The following DEPTOR variants were observed in gnomAD, a reference collection of about 807,000 sequenced individuals.
DEPTOR encodes DEP domain containing MTOR interacting protein, also known as DEP domain-containing mTOR-interacting protein.
A neutral mutation model predicts 41.6 loss-of-function variants in DEPTOR; 41 were observed. That is an observed-to-expected ratio of 0.98 (90% CI 0.77 to 1.28). The LOEUF is 1.28. DEPTOR is among the 50% of genes most tolerant of loss of function. The pLI is 0.00. For missense variants in DEPTOR, 514 were observed against 527.9 expected (o/e 0.97, Z 0.26); for synonymous variants, 195 against 192.3 (o/e 1.01, Z -0.12).
At chr8:120,037,492 C>T (rs1273438709) in intron 8 of DEPTOR, among the ~76,000 whole-genome samples, 1 of 152,168 alleles carries the variant, frequency 6.6e-6, no homozygotes, top group African/African-American at 2.4e-5. Context: ...TGCCATCAGT[C>T]ACTGTGACAA....
intron 8 of DEPTOR, among the ~76,000 whole-genome samples, chr8:120,016,502 T>G (rs1320972064): frequency 6.6e-6 from 1 of 152,100 alleles, no homozygotes; most frequent in East Asian, 1.9e-4. Flanking sequence ...GGTTTCACCA[T>G]GTTGGTCAGG....
intron 4 of DEPTOR, among the ~76,000 whole-genome samples, chr8:119,972,622 C>CAAAAAAA (rs59750717): frequency 1.4e-5 from 2 of 138,398 alleles, no homozygotes. Context: ...GACTCTGTCT[C>CAAAAAAA]AAAAAAAAAA....
intron 8 of DEPTOR, among the ~76,000 whole-genome samples, chr8:120,011,038 A>G (rs2130109489): frequency 6.6e-6 from 1 of 152,334 alleles, no homozygotes; most frequent in South Asian, 2.1e-4. Flanking sequence ...TTTATTCAAT[A>G]CTTTCATCCT....
At chr8:119,932,204 C>A (rs1413217733) in intron 3 of DEPTOR, among the ~76,000 whole-genome samples, 1 of 151,826 alleles carries the variant, frequency 6.6e-6, no homozygotes, top group Non-Finnish European at 1.5e-5. Flanking sequence ...AGGCTGATAT[C>A]AAACTCTGGT....
chr8:119,898,021 A>G (rs1203183193), intron 1 of DEPTOR, among the ~76,000 whole-genome samples: 1 of 152,216 alleles, frequency 6.6e-6, no homozygotes, highest in Non-Finnish European at 1.5e-5. Context: ...AAATGTAGAG[A>G]TGTTTAAATT....
At chr8:120,030,478 G>A (rs1812869249) in intron 8 of DEPTOR, among the ~76,000 whole-genome samples, 1 of 102,426 alleles carries the variant, frequency 9.8e-6, no homozygotes, top group Non-Finnish European at 1.9e-5. Context: ...TGATAATGAT[G>A]TATTGTGTAG....
At chr8:119,874,111 C>A in intron 1 of DEPTOR, 143 bp downstream of exon 1, 8 of 1,361,424 alleles carry the variant, frequency 5.9e-6, no homozygotes, top group East Asian at 2.6e-5. Flanking sequence ...GGATGGTCCT[C>A]GGTGCGCCCG....
chr8:119,966,307 A>G (rs1202903938), intron 4 of DEPTOR, among the ~76,000 whole-genome samples: 1 of 152,138 alleles, frequency 6.6e-6, no homozygotes, highest in Admixed American at 6.6e-5. Context: ...TCTACTAAAA[A>G]ATACAAAAAT....
At chr8:120,047,702 C>T in intron 8 of DEPTOR, among the ~76,000 whole-genome samples, 1 of 131,964 alleles carries the variant, frequency 7.6e-6, no homozygotes, top group South Asian at 2.3e-4. Context: ...AAATGCTGGT[C>T]AATTAAAACA....
intron 1 of DEPTOR, among the ~76,000 whole-genome samples, chr8:119,925,377 G>C (rs1390849603): frequency 1.3e-5 from 2 of 151,944 alleles, no homozygotes; most frequent in Admixed American, 1.3e-4. Context: ...GCAACAGAGT[G>C]AGACTCTGCC....
intron 1 of DEPTOR, among the ~76,000 whole-genome samples, chr8:119,887,919 C>T (rs1353814809): frequency 1.5e-5 from 2 of 137,104 alleles, no homozygotes; most frequent in African/African-American, 5.0e-5. Context: ...CCTACCCGCT[C>T]AAGTGAGCCC....
At chr8:119,948,231 T>C (rs967028386) in intron 3 of DEPTOR, among the ~76,000 whole-genome samples, 5 of 152,152 alleles carry the variant, frequency 3.3e-5, no homozygotes, top group Non-Finnish European at 1.5e-5. Context: ...ATGCATATCC[T>C]GGGAGACAGA....
chr8:119,930,184 G>A (rs1490533281), intron 3 of DEPTOR, among the ~76,000 whole-genome samples: 1 of 152,116 alleles, frequency 6.6e-6, no homozygotes, highest in Non-Finnish European at 1.5e-5. Flanking sequence ...ATTCTACAAA[G>A]CTCCAGAATT....
chr8:120,017,445 C>T (rs1240995613), intron 8 of DEPTOR, among the ~76,000 whole-genome samples: 1 of 152,170 alleles, frequency 6.6e-6, no homozygotes, highest in African/African-American at 2.4e-5. Context: ...TTCTATTAAA[C>T]CCTGAAATCC....
chr8:119,899,714 G>A (rs1426540268), intron 1 of DEPTOR, among the ~76,000 whole-genome samples: 4 of 152,132 alleles, frequency 2.6e-5, no homozygotes, highest in East Asian at 1.9e-4. Flanking sequence ...TTTCAAGATC[G>A]TGCAGTCTTC....
intron 8 of DEPTOR, among the ~76,000 whole-genome samples, chr8:120,029,639 A>G (rs753597458): frequency 6.6e-5 from 10 of 152,024 alleles, no homozygotes; most frequent in Non-Finnish European, 1.3e-4. Flanking sequence ...CAGGTGATCC[A>G]CCCACCTCGG....
At chr8:119,988,258 A>G (rs1213885159) in intron 4 of DEPTOR, among the ~76,000 whole-genome samples, 1 of 152,158 alleles carries the variant, frequency 6.6e-6, no homozygotes, top group Non-Finnish European at 1.5e-5. Context: ...CCGTTGGCTA[A>G]GGAAGGGAGT....
In DEPTOR at chr8:120,049,746, G is replaced by A. The variant is rs543528408; in HGVS notation, c.*42G>A. 6.2e-7 allele frequency: 1 copy of A among 1,609,742 alleles called. No homozygotes were observed. Among genetic ancestry groups the A allele is most frequent in the Admixed American group, 1.7e-5 (1 of 59,660 alleles). On this transcript the variant is annotated 3_prime_UTR_variant, in exon 9 of 9. Coordinates refer to ENST00000286234, the MANE Select transcript of DEPTOR (RefSeq NM_022783.4). Reference sequence around the variant, plus strand: ...GCCCTCCAGTGGCCTGTGGGTGAGGGAAGCCAGAATGACACAAAGCAATGC... The same window carrying A: ...GCCCTCCAGTGGCCTGTGGGTGAGGAAAGCCAGAATGACACAAAGCAATGC...
At chr8:119,912,796 C>T (rs1465388683) in intron 1 of DEPTOR, among the ~76,000 whole-genome samples, 1 of 152,210 alleles carries the variant, frequency 6.6e-6, no homozygotes, top group Non-Finnish European at 1.5e-5. Flanking sequence ...TAGATCTTTT[C>T]AGTACAAAAT....
Sources: gnomAD v4.1 joint callset for allele counts (sites outside exome capture counted in the v4.1 genomes callset) on GRCh38, gnomAD v4.1.1 for gene constraint, MANE v1.5 for transcripts, NCBI Gene and HGNC (gene_info 2026-07-23, HGNC 2026-07-21) for gene names.